The following SUCLG2 variants were observed in gnomAD, a reference collection of about 807,000 sequenced individuals.
SUCLG2 encodes succinate-CoA ligase GDP-forming subunit beta, also known as succinate--CoA ligase [GDP-forming] subunit beta, mitochondrial.
SUCLG2 carries 42 observed loss-of-function variants against 47.9 expected under a neutral mutation model. The ratio of observed to expected loss-of-function variants is 0.88; its 90% CI spans 0.69 to 1.14. The LOEUF (loss-of-function observed/expected upper bound fraction) is 1.14. Among genes scored for constraint, SUCLG2 ranks in the 50% most tolerant of loss-of-function variants. The pLI is 0.00. For synonymous variants in SUCLG2, 195 were observed against 197.3 expected, an observed-to-expected ratio of 0.99 and a Z score of 0.10; for missense variants, 571 against 525.9, an observed-to-expected ratio of 1.09 and a Z score of -0.84.
At chr3:67,514,087 C>A (rs1052565723) in intron 6 of SUCLG2, 1 of 339,838 alleles carries the variant, frequency 2.9e-6, no homozygotes. Context: ...GTACTTGCTT[C>A]AGTACAACGA....
chr3:67,491,877 G>A (rs1004857792), intron 9 of SUCLG2, among the ~76,000 whole-genome samples: 6 of 152,078 alleles, frequency 3.9e-5, no homozygotes, highest in African/African-American at 1.4e-4. Flanking sequence ...AACCCTCTGA[G>A]GTAAGTACTG....
intron 2 of SUCLG2, among the ~76,000 whole-genome samples, chr3:67,572,114 C>T (rs920899788): frequency 1.3e-5 from 2 of 152,158 alleles, no homozygotes; most frequent in East Asian, 1.9e-4. Context: ...TACAAATTGC[C>T]CCACATCAGA....
intron 9 of SUCLG2, among the ~76,000 whole-genome samples, chr3:67,490,450 T>C (rs1218254009): frequency 2.0e-5 from 3 of 152,232 alleles, no homozygotes; most frequent in Non-Finnish European, 4.4e-5. Flanking sequence ...TAACAAATTA[T>C]ATTTTGTTCT....
chr3:67,403,682 T>G (rs1027050248), intron 9 of SUCLG2, among the ~76,000 whole-genome samples: 3 of 151,946 alleles, frequency 2.0e-5, no homozygotes, highest in African/African-American at 7.3e-5. Flanking sequence ...TAGGTGAGGT[T>G]CTAGTAGACA....
At chr3:67,584,520 C>T (rs1269696065) in intron 2 of SUCLG2, among the ~76,000 whole-genome samples, 1 of 152,258 alleles carries the variant, frequency 6.6e-6, no homozygotes. Flanking sequence ...CACTTAATAT[C>T]ATGATACCAT....
At position 67,654,579 on chromosome 3, in the gene SUCLG2, G is replaced by T. The variant is rs955603722; in HGVS notation, c.8C>A (p.Ser3Tyr). The change falls in exon 1 of 11, where the codon TCC becomes TAC. Residue 3 changes from serine to tyrosine, a missense_variant. Ser to Tyr is a moderately radical substitution (Grantham distance 144). Coordinates refer to ENST00000307227, the MANE Select transcript of SUCLG2 (RefSeq NM_003848.4). ...CTTCCCGGCCTGCGCTGCTACGGGGGACGCCATCTTAAACAGGAAACTCGG... is the reference window on the plus strand; with the variant it reads ...CTTCCCGGCCTGCGCTGCTACGGGGTACGCCATCTTAAACAGGAAACTCGG... MA[S>Y]PVAAQAGKLL... The T allele has an allele frequency of 9.4e-6, 12 of 1,274,796 alleles. No individual in the cohort carries two copies. Among genetic ancestry groups the T allele is most frequent in the Middle Eastern group, 2.6e-4 (1 of 3,814 alleles). 79.0% of individuals were successfully genotyped at this position (1,274,796 alleles called of 1,614,324 possible).
chr3:67,427,181 C>CT (rs1703324618), intron 9 of SUCLG2, among the ~76,000 whole-genome samples: 1 of 152,104 alleles, frequency 6.6e-6, no homozygotes, highest in African/African-American at 2.4e-5. Context: ...TATCACTCTT[C>CT]TTTTTTTAGA....
At chr3:67,449,757 GT>G (rs1704009984) in intron 9 of SUCLG2, among the ~76,000 whole-genome samples, 1 of 151,954 alleles carries the variant, frequency 6.6e-6, no homozygotes, top group Non-Finnish European at 1.5e-5. Context: ...GGGACTACAG[GT>G]GTGTGCCACC....
rs184281427 is a variant in SUCLG2, at chr3:67,421,445, G to C, written c.1063-20594C>G. On this transcript the variant is annotated intron_variant, in intron 9 of 10. Transcript: ENST00000307227. ...AGTCAGTTGGGAGACCTGGGTTCTA[G>C]TCTTCGCTCTGCCCTGCTTTAGGTA... 5.4e-4 allele frequency among the ~76,000 whole-genome samples: 82 copies of C among 152,290 alleles called. 1 individual carries two copies. In the East Asian group the frequency reaches 0.015, roughly 28 times the overall value.
intron 8 of SUCLG2, among the ~76,000 whole-genome samples, chr3:67,497,578 C>T (rs909649639): frequency 1.3e-5 from 2 of 152,120 alleles, no homozygotes; most frequent in East Asian, 1.9e-4. Context: ...ACTTTAGCAA[C>T]GTGATTAAAG....
At chr3:67,453,665 C>T (rs1300246428) in intron 9 of SUCLG2, among the ~76,000 whole-genome samples, 2 of 152,158 alleles carry the variant, frequency 1.3e-5, no homozygotes, top group Non-Finnish European at 2.9e-5. Flanking sequence ...GGTTACCAGG[C>T]TACAAATCAG....
At chr3:67,376,508 G>T (rs1355914899) in intron 10 of SUCLG2, 1 of 982,198 alleles carries the variant, frequency 1.0e-6, no homozygotes, top group East Asian at 1.1e-4. Flanking sequence ...AACAACTCCT[G>T]TAGGAGAAAT....
chr3:67,636,732 G>A (rs1046315024), intron 1 of SUCLG2, among the ~76,000 whole-genome samples: 1 of 151,950 alleles, frequency 6.6e-6, no homozygotes, highest in Non-Finnish European at 1.5e-5. Context: ...TCCTGACCTC[G>A]TGATCTGCCC....
At chr3:67,546,711 G>A (rs771830231) in intron 2 of SUCLG2, among the ~76,000 whole-genome samples, 4 of 152,130 alleles carry the variant, frequency 2.6e-5, no homozygotes, top group African/African-American at 4.8e-5. Flanking sequence ...CTCCAGCCTG[G>A]GCCACAGAGT....
rs999523750 is a variant in SUCLG2, at chr3:67,408,835, G to A, written c.1063-7984C>T. On this transcript the variant is annotated intron_variant, in intron 9 of 10. Coordinates refer to ENST00000307227, the MANE Select transcript of SUCLG2 (RefSeq NM_003848.4). ...AAACATCACACAGCAGTAGGCAATG[G>A]TGTCAAGATTTAAATTAAGGCGGTC... The A allele has an allele frequency of 3.5e-6, 5 of 1,420,086 alleles. No individual in the cohort carries two copies. In the African/African-American group the frequency reaches 5.8e-5, roughly 16 times the overall value. The allele number at this position is 1,420,086 out of a possible 1,614,324, so 88.0% of individuals were successfully genotyped here.
intron 10 of SUCLG2, among the ~76,000 whole-genome samples, chr3:67,377,749 G>C (rs542955489): frequency 2.0e-5 from 3 of 152,302 alleles, no homozygotes; most frequent in African/African-American, 7.2e-5. Flanking sequence ...AGCCTCCGGT[G>C]CCCAAGTGAT....
intron 2 of SUCLG2, among the ~76,000 whole-genome samples, chr3:67,539,849 A>G (rs1706651713): frequency 6.6e-6 from 1 of 152,084 alleles, no homozygotes; most frequent in Admixed American, 6.5e-5. Flanking sequence ...ATTTGCACAG[A>G]GGTGTTTATA....
chr3:67,398,722 A>T (rs62256375), intron 10 of SUCLG2, among the ~76,000 whole-genome samples: 1 of 152,136 alleles, frequency 6.6e-6, no homozygotes, highest in African/African-American at 2.4e-5. Flanking sequence ...ACATGCACAC[A>T]TATGTTTATT....
chr3:67,395,941 A>G (rs1441017685), intron 10 of SUCLG2, among the ~76,000 whole-genome samples: 1 of 152,228 alleles, frequency 6.6e-6, no homozygotes, highest in Non-Finnish European at 1.5e-5. Flanking sequence ...TAAGTAAATG[A>G]AGGCAGAAAT....
Sources: gnomAD v4.1 joint callset for allele counts (sites outside exome capture counted in the v4.1 genomes callset) on GRCh38, gnomAD v4.1.1 for gene constraint, MANE v1.5 for transcripts, NCBI Gene and HGNC (gene_info 2026-07-23, HGNC 2026-07-21) for gene names.